PMF1: variants seen among roughly 807,000 people sequenced by gnomAD.
PMF1 encodes polyamine-modulated factor 1.
Under a neutral mutation model 26.7 loss-of-function variants are expected in PMF1, and 21 were observed. The observed-to-expected ratio is 0.79, with a 90% CI of 0.56 to 1.13. The LOEUF is 1.13. Among genes scored for constraint, PMF1 ranks in the 50% most tolerant of loss-of-function variants. The pLI is 0.00. For synonymous variants in PMF1, 105 were observed against 101.0 expected, an observed-to-expected ratio of 1.04 and a Z score of -0.24; for missense variants, 266 against 254.9, an observed-to-expected ratio of 1.04 and a Z score of -0.30.
intron 1 of PMF1, 49 bp from the exon 2 acceptor site, chr1:156,232,271 C>T (rs539279262): frequency 8.9e-6 from 14 of 1,569,740 alleles, no homozygotes; most frequent in Admixed American, 5.0e-5. Context: ...GGCTGATGGC[C>T]GGCCTCATGC....
intron 1 of PMF1, among the ~76,000 whole-genome samples, chr1:156,219,240 A>G (rs1201659853): frequency 6.6e-6 from 1 of 152,164 alleles, no homozygotes; most frequent in Admixed American, 6.5e-5. Context: ...GGTCTTTTTT[A>G]TAAAGGCTAT....
intron 1 of PMF1, among the ~76,000 whole-genome samples, chr1:156,231,291 G>A (rs1658691894): frequency 1.3e-5 from 2 of 151,878 alleles, no homozygotes; most frequent in African/African-American, 4.8e-5. Flanking sequence ...AGCTACTCAG[G>A]AGGCTGAGGC....
At position 156,239,867 on chromosome 1, in the gene PMF1, T is replaced by C. The variant is rs1169986287; in HGVS notation, c.*266T>C. 2 of 461,196 alleles carry C rather than the reference T, an allele frequency of 4.3e-6. No homozygotes were observed. The highest frequency in any genetic ancestry group is 7.8e-6 in the Non-Finnish European group (2 of 257,896). The allele number at this position is 461,196 out of a possible 1,614,324, so 28.6% of individuals were successfully genotyped here. On this transcript the variant is annotated 3_prime_UTR_variant, in exon 5 of 5. Coordinates refer to ENST00000368277, the MANE Select transcript of PMF1 (RefSeq NM_007221.4). ...TTGGCCATGTTCTCTCTTCTCTAGG[T>C]TCAGGTCAGCTCTGCCCCTCCGCCC... is the stretch of plus-strand genomic sequence containing the variant.
At chr1:156,234,602 G>A (rs1171519248) in intron 3 of PMF1, among the ~76,000 whole-genome samples, 1 of 151,732 alleles carries the variant, frequency 6.6e-6, no homozygotes, top group African/African-American at 2.4e-5. Context: ...TCCACCTCCT[G>A]AGTTCAAGCA....
chr1:156,238,280 C>T (rs986511070), intron 4 of PMF1, among the ~76,000 whole-genome samples: 9 of 152,192 alleles, frequency 5.9e-5, no homozygotes, highest in South Asian at 2.1e-4. Context: ...ATTTAAATAA[C>T]GTGTATATTA....
At chr1:156,215,383 A>G (rs1657646300) in intron 1 of PMF1, among the ~76,000 whole-genome samples, 1 of 152,068 alleles carries the variant, frequency 6.6e-6, no homozygotes, top group South Asian at 2.1e-4. Context: ...TGAATTTGAT[A>G]AAATAATTTG....
At chr1:156,229,815 C>A (rs1199095681) in intron 1 of PMF1, among the ~76,000 whole-genome samples, 1 of 152,156 alleles carries the variant, frequency 6.6e-6, no homozygotes, top group Non-Finnish European at 1.5e-5. Context: ...TCAGGTGATC[C>A]ACCGGTCTCT....
intron 1 of PMF1, 36 bp downstream of exon 1, chr1:156,213,212 G>A (rs776855320): frequency 6.2e-7 from 1 of 1,602,438 alleles, no homozygotes. Context: ...AGTGTTTGTT[G>A]GCACCGAAGC....
At chr1:156,229,440 G>T (rs999295234) in intron 1 of PMF1, among the ~76,000 whole-genome samples, 1 of 151,574 alleles carries the variant, frequency 6.6e-6, no homozygotes, top group Non-Finnish European at 1.5e-5. Context: ...AGAAGAGCTG[G>T]GCAGCAGCTA....
intron 4 of PMF1, chr1:156,236,881 A>G: frequency 4.9e-6 from 1 of 205,712 alleles, no homozygotes; most frequent in Non-Finnish European, 9.9e-6. Flanking sequence ...TGGTAGGGGG[A>G]TGGGAAGAGA....
chr1:156,222,981 G>A (rs1344316201), intron 1 of PMF1, among the ~76,000 whole-genome samples: 1 of 152,252 alleles, frequency 6.6e-6, no homozygotes, highest in Admixed American at 6.5e-5. Flanking sequence ...GCCAAAGACT[G>A]TTGGTGTTCA....
intron 4 of PMF1, among the ~76,000 whole-genome samples, chr1:156,238,710 C>G (rs547558275): frequency 5.9e-5 from 9 of 152,336 alleles, no homozygotes; most frequent in African/African-American, 2.2e-4. Flanking sequence ...TACCAGTTAG[C>G]TGTAGCCTGA....
At chr1:156,216,311 A>G (rs1302205151) in intron 1 of PMF1, among the ~76,000 whole-genome samples, 1 of 152,150 alleles carries the variant, frequency 6.6e-6, no homozygotes, top group Non-Finnish European at 1.5e-5. Flanking sequence ...GAATCGCTTG[A>G]ACCTGGGAAG....
At chr1:156,215,704 T>G (rs1368016667) in intron 1 of PMF1, among the ~76,000 whole-genome samples, 1 of 152,152 alleles carries the variant, frequency 6.6e-6, no homozygotes, top group Non-Finnish European at 1.5e-5. Flanking sequence ...TTTATTTATT[T>G]ATGAGACAGG....
chr1:156,238,015 G>A (rs1659136557), intron 4 of PMF1, among the ~76,000 whole-genome samples: 1 of 152,166 alleles, frequency 6.6e-6, no homozygotes, highest in African/African-American at 2.4e-5. Context: ...TGATCCACCT[G>A]CCACAGCTTC....
intron 1 of PMF1, among the ~76,000 whole-genome samples, chr1:156,228,256 A>ATTTTTTTTTTTTGTTTTT (rs1658489843): frequency 3.0e-5 from 1 of 33,546 alleles, no homozygotes; most frequent in Non-Finnish European, 5.7e-5. Context: ...GCACCTGGCG[A>ATTTTTTTTTTTTGTTTTT]TTTTTTTTTT....
chr1:156,233,827 G>GAGTTTGTGACCAGC, intron 3 of PMF1, 99 bp downstream of exon 3: 1 of 1,213,684 alleles, frequency 8.2e-7, no homozygotes, highest in Non-Finnish European at 1.1e-6. Flanking sequence ...TGTTGGCCAG[G>GAGTTTGTGACCAGC]CTGGTCACAA....
At chr1:156,215,278 C>G (rs1657642670) in intron 1 of PMF1, among the ~76,000 whole-genome samples, 1 of 152,114 alleles carries the variant, frequency 6.6e-6, no homozygotes, top group African/African-American at 2.4e-5. Context: ...TGGCAGAGAC[C>G]TTCTTGGCTA....
chr1:156,225,482 A>G, intron 1 of PMF1: 3 of 790,830 alleles, frequency 3.8e-6, no homozygotes, highest in South Asian at 1.5e-5. Flanking sequence ...GGCAAAGTCC[A>G]TTGTACCATT....
Sources: gnomAD v4.1 joint callset for allele counts (sites outside exome capture counted in the v4.1 genomes callset) on GRCh38, gnomAD v4.1.1 for gene constraint, MANE v1.5 for transcripts, NCBI Gene and HGNC (gene_info 2026-07-23, HGNC 2026-07-21) for gene names.